GSDMC: variants seen among roughly 807,000 people sequenced by gnomAD.
GSDMC encodes gasdermin-C.
In GSDMC, 59 loss-of-function variants were observed where a neutral mutation model predicts 58.0. The observed-to-expected ratio is 1.02, with a 90% CI of 0.82 to 1.26. The LOEUF is 1.26. Ranked by LOEUF, GSDMC falls within the 50% of genes most tolerant of loss-of-function variation. The pLI is 0.00. For missense variants in GSDMC, 659 were observed against 598.5 expected (o/e 1.10, Z -1.06); for synonymous variants, 241 against 220.2 (o/e 1.09, Z -0.83).
chr8:129,751,948 C>A (rs2033214941), intron 8 of GSDMC, 57 bp from the exon 9 acceptor site: 1 of 1,545,562 alleles, frequency 6.5e-7, no homozygotes. Flanking sequence ...ATTTCTCCAA[C>A]CTTCTGCCCT....
At chr8:129,778,757 T>A (rs2034321677) in intron 1 of GSDMC, among the ~76,000 whole-genome samples, 1 of 96,740 alleles carries the variant, frequency 1.0e-5, no homozygotes. Flanking sequence ...CTTGAGCCAA[T>A]TTACAAGAAA....
At chr8:129,730,540 T>A in the GSDMC span, 3 of 421,324 alleles carry the variant, frequency 7.1e-6, no homozygotes, top group Non-Finnish European at 1.1e-5. Flanking sequence ...TTAAAAAACA[T>A]GAGTTAACAC....
At chr8:129,711,590 G>A in the GSDMC span, among the ~76,000 whole-genome samples, 1 of 152,172 alleles carries the variant, frequency 6.6e-6, no homozygotes, top group African/African-American at 2.4e-5. Context: ...CCATCTAAGA[G>A]GTGACCCAAC....
At chr8:129,738,826 T>A in the GSDMC span, among the ~76,000 whole-genome samples, 2 of 151,648 alleles carry the variant, frequency 1.3e-5, no homozygotes, top group African/African-American at 4.9e-5. Context: ...AGAAAAAAAA[T>A]ACTTCTAAAG....
At chr8:129,708,344 C>T in the GSDMC span, among the ~76,000 whole-genome samples, 1 of 152,200 alleles carries the variant, frequency 6.6e-6, no homozygotes, top group Admixed American at 6.5e-5. Context: ...AGATTGGTTG[C>T]TTATGGGAGC....
intron 1 of GSDMC, among the ~76,000 whole-genome samples, chr8:129,780,848 A>G (rs1586622899): frequency 6.6e-6 from 1 of 152,232 alleles, no homozygotes; most frequent in African/African-American, 2.4e-5. Context: ...AAGACATAGT[A>G]CCACAGGACA....
chr8:129,772,309 T>C (rs942619860), intron 3 of GSDMC, among the ~76,000 whole-genome samples: 3 of 106,902 alleles, frequency 2.8e-5, no homozygotes, highest in Non-Finnish European at 6.5e-5. Flanking sequence ...AAATGGAAAA[T>C]AGAAAAACAA....
At chr8:129,746,277 A>G (rs1444937361), downstream of GSDMC, among the ~76,000 whole-genome samples, 1 of 152,228 alleles carries the variant, frequency 6.6e-6, no homozygotes, top group African/African-American at 2.4e-5. Flanking sequence ...ATGTGAAAAG[A>G]GAGACTGTAA....
chr8:129,713,550 T>C, the GSDMC span, among the ~76,000 whole-genome samples: 2 of 152,244 alleles, frequency 1.3e-5, no homozygotes, highest in African/African-American at 2.4e-5. Flanking sequence ...GCCTTGGAAA[T>C]GTGGAGAGCA....
At chr8:129,726,081 A>G in the GSDMC span, among the ~76,000 whole-genome samples, 1 of 152,236 alleles carries the variant, frequency 6.6e-6, no homozygotes, top group South Asian at 2.1e-4. Context: ...TCTTTGCTCA[A>G]CATGAGACAA....
intron 1 of GSDMC, among the ~76,000 whole-genome samples, chr8:129,777,961 A>G (rs1276946185): frequency 6.6e-6 from 1 of 152,074 alleles, no homozygotes; most frequent in African/African-American, 2.4e-5. Flanking sequence ...TTATTGTTGG[A>G]GTAGGAAAGC....
At chr8:129,728,384 C>T in the GSDMC span, among the ~76,000 whole-genome samples, 1 of 152,138 alleles carries the variant, frequency 6.6e-6, no homozygotes, top group East Asian at 1.9e-4. Flanking sequence ...ATCCACTTTC[C>T]TGGATTAGAG....
intron 3 of GSDMC, among the ~76,000 whole-genome samples, chr8:129,768,389 A>G (rs2033937904): frequency 6.6e-6 from 1 of 152,244 alleles, no homozygotes. Context: ...GACTGACTCT[A>G]AAGAAATGGG....
the GSDMC span, among the ~76,000 whole-genome samples, chr8:129,726,696 G>A: frequency 2.6e-5 from 4 of 151,864 alleles, no homozygotes; most frequent in African/African-American, 7.3e-5. Context: ...CATACTGTGC[G>A]TGGACGATTA....
intron 13 of GSDMC, 43 bp from the exon 14 acceptor site, chr8:129,748,783 T>C (rs758381625): frequency 1.4e-6 from 2 of 1,463,348 alleles, no homozygotes; most frequent in Admixed American, 2.6e-5. Flanking sequence ...GCCTTTAAGA[T>C]GAGGAAGAGA....
At chr8:129,755,402 G>A (rs1039959284) in intron 6 of GSDMC, among the ~76,000 whole-genome samples, 2 of 152,062 alleles carry the variant, frequency 1.3e-5, no homozygotes, top group Non-Finnish European at 2.9e-5. Flanking sequence ...GAGAAATAAA[G>A]ACATCTCCAG....
At chr8:129,746,773 G>A (rs2032971298), downstream of GSDMC, among the ~76,000 whole-genome samples, 1 of 152,082 alleles carries the variant, frequency 6.6e-6, no homozygotes, top group Non-Finnish European at 1.5e-5. Flanking sequence ...AAAGACTGAG[G>A]GCAAGAAGGT....
At chr8:129,720,266 T>C in the GSDMC span, among the ~76,000 whole-genome samples, 1 of 152,206 alleles carries the variant, frequency 6.6e-6, no homozygotes, top group Non-Finnish European at 1.5e-5. Flanking sequence ...GATCATCCTT[T>C]GTAGGCTAAA....
Position 129,748,624 on chromosome 8 carries a change from C to T in GSDMC, c.1404G>A (p.Leu468=). Residue 468 remains leucine, a synonymous_variant, in exon 14 of 14, where the codon CTG becomes CTA. Transcript: ENST00000276708. ...SEGLAITYGL[L]EECGLRMELD... ...GCTCCATCCTAAGGCCACACTCCTC[C>T]AGCAGGCCATAGGTGATGGCCAAAC... The T allele has an allele frequency of 6.2e-7, 1 of 1,613,196 alleles. No individual in the cohort carries two copies. Among genetic ancestry groups the T allele is most frequent in the Non-Finnish European group, 8.5e-7 (1 of 1,179,602 alleles).
Sources: allele counts gnomAD v4.1 joint callset (sites outside exome capture counted in the v4.1 genomes callset), GRCh38; gene constraint gnomAD v4.1.1; transcripts MANE v1.5; gene names NCBI Gene and HGNC (gene_info 2026-07-23, HGNC 2026-07-21).